Variants in PALM observed in about 807,000 individuals in gnomAD.
PALM encodes the protein paralemmin, also known as paralemmin-1.
PALM carries 18 observed loss-of-function variants against 30.7 expected under a neutral mutation model. The observed-to-expected ratio is 0.59, with a 90% confidence interval of 0.41 to 0.87. PALM has a LOEUF of 0.87. Among genes scored for constraint, PALM ranks in the 40% least tolerant of loss-of-function variants. PALM has a pLI of 0.00. For synonymous variants in PALM, 286 were observed against 242.8 expected (o/e 1.18, Z -1.66); for missense variants, 529 against 555.4 (o/e 0.95, Z 0.48).
At chr19:725,869 A>G (rs944232376) in intron 1 of PALM, among the ~76,000 whole-genome samples, 2 of 152,074 alleles carry the variant, frequency 1.3e-5, no homozygotes, top group South Asian at 4.2e-4. Flanking sequence ...GTGAACTCCT[A>G]TGTATCCTTG....
At chr19:719,342 G>GAACT in intron 1 of PALM, 1 of 985,526 alleles carries the variant, frequency 1.0e-6, no homozygotes, top group African/African-American at 1.7e-5. Context: ...TGGGCCTCAT[G>GAACT]AACTCATCTC....
chr19:725,182 GC>G, intron 1 of PALM, among the ~76,000 whole-genome samples: 1 of 151,166 alleles, frequency 6.6e-6, no homozygotes, highest in Non-Finnish European at 1.5e-5. Context: ...TGCCTCAGCT[GC>G]CCCCTGATAT....
At chr19:737,557 C>T (rs187076840) in intron 7 of PALM, among the ~76,000 whole-genome samples, 1 of 152,098 alleles carries the variant, frequency 6.6e-6, no homozygotes, top group Admixed American at 6.6e-5. Context: ...CCAGAGGGCT[C>T]AGGGGAGGGG....
intron 5 of PALM, among the ~76,000 whole-genome samples, chr19:732,742 C>G (rs1456155921): frequency 6.6e-6 from 1 of 151,328 alleles, no homozygotes; most frequent in Non-Finnish European, 1.5e-5. Context: ...ACTGAGCTCA[C>G]GTCAGGTGGG....
chr19:731,126 G>T lies in PALM; in HGVS notation c.301G>T (p.Gly101Ter). The part of the protein sequence containing the change: ...LEKEIEVLER[G>*]DSAPATAKEN... ...GAAGGAAATTGAGGTGCTGGAGCGTGGAGACTCCGCCCCAGCCACTGCCAA... is the reference window on the plus strand; with the variant it reads ...GAAGGAAATTGAGGTGCTGGAGCGTTGAGACTCCGCCCCAGCCACTGCCAA... Residue 101 changes from glycine (G) to a stop codon, truncating the protein, a stop_gained, in exon 5 of 9, where the codon GGA becomes TGA. Transcript: ENST00000338448. LOFTEE classifies it high-confidence loss of function. The T allele has an allele frequency of 6.2e-7, 1 of 1,604,180 alleles. No individual in the cohort carries two copies. The highest frequency in any genetic ancestry group is 8.5e-7 in the Non-Finnish European group (1 of 1,176,120).
chr19:744,625 G>T (rs1215363797), intron 8 of PALM, among the ~76,000 whole-genome samples: 1 of 152,172 alleles, frequency 6.6e-6, no homozygotes. Context: ...CAGGCATGGT[G>T]GCTCACACCT....
At chr19:720,673 T>G (rs1173819315) in intron 1 of PALM, among the ~76,000 whole-genome samples, 1 of 151,658 alleles carries the variant, frequency 6.6e-6, no homozygotes, top group Non-Finnish European at 1.5e-5. Flanking sequence ...GGGAGGGGCC[T>G]GCGCCCTGGG....
At position 741,440 on chromosome 19, in the gene PALM, T is replaced by A. The variant is rs1387554144; in HGVS notation, c.634+957T>A. On this transcript the variant is annotated intron_variant, in intron 8 of 8. Transcript: ENST00000338448. ...GGTGAGGGGAGACGGGCTGCAGGGG[T>A]GAGGGGAGACGGGCTGCAGGGGTGA... 6.3e-5 allele frequency among the ~76,000 whole-genome samples: 7 copies of A among 110,850 alleles called. 1 individual carries two copies. Among genetic ancestry groups the A allele is most frequent in the Non-Finnish European group, 1.3e-4 (7 of 53,098 alleles). The allele number at this position is 110,850 out of a possible 152,430, so 72.7% of individuals were successfully genotyped here. A position where few individuals can be genotyped will look rare whatever the true frequency, so the allele number is the denominator to read the frequency against.
intron 1 of PALM, chr19:719,117 C>A: frequency 2.0e-6 from 2 of 985,148 alleles, no homozygotes; most frequent in Non-Finnish European, 2.4e-6. Context: ...GGCTCGGCGC[C>A]TGCCCGGGCA....
chr19:734,130 G>C (rs140145215), intron 5 of PALM, 43 bp from the exon 6 acceptor site: 4 of 1,609,980 alleles, frequency 2.5e-6, no homozygotes, highest in African/African-American at 1.3e-5. Context: ...TCCTCTTCCC[G>C]GGGATGCTGA....
At chr19:713,908 CT>C (rs200551039) in intron 1 of PALM, among the ~76,000 whole-genome samples, 44,988 of 123,484 alleles carry the variant, frequency 0.36, 7,143 homozygotes, top group African/African-American at 0.45. Context: ...TTCTTTCTTT[CT>C]TTTTTTTTTT....
intron 7 of PALM, among the ~76,000 whole-genome samples, chr19:738,582 G>A (rs541688010): frequency 6.6e-6 from 1 of 152,132 alleles, no homozygotes; most frequent in African/African-American, 2.4e-5. Flanking sequence ...GAGCCAGGGT[G>A]GGGGCAGGTG....
intron 1 of PALM, among the ~76,000 whole-genome samples, chr19:710,887 G>A (rs950996858): frequency 1.2e-4 from 19 of 152,210 alleles, no homozygotes; most frequent in Admixed American, 1.1e-3. Context: ...CAATGGGTGG[G>A]GACAGGCCCA....
chr19:731,014 C>G, intron 4 of PALM, 81 bp from the exon 5 acceptor site: 1 of 886,602 alleles, frequency 1.1e-6, no homozygotes, highest in South Asian at 1.8e-5. Flanking sequence ...AAAAAAGACA[C>G]TGGGGAGCTG....
chr19:734,346 G>A, intron 6 of PALM, 152 bp downstream of exon 6: 1 of 686,148 alleles, frequency 1.5e-6, no homozygotes, highest in Non-Finnish European at 2.5e-6. Flanking sequence ...GATCTCCTGA[G>A]GTCAGGAGTT....
At position 747,573 on chromosome 19, in the gene PALM, C is replaced by G. The variant is rs1234696584; in HGVS notation, c.*759C>G. On this transcript the variant is annotated 3_prime_UTR_variant, in exon 9 of 9. Coordinates refer to ENST00000338448, the MANE Select transcript of PALM (RefSeq NM_002579.3). ...CACAGGGCAGGGACCGAGTGAGCCA[C>G]TCCTTGTCCCGAGCTCCCGCCCCCA... 1 of 152,828 alleles carries G rather than the reference C, an allele frequency of 6.5e-6. No individual in the cohort carries two copies. The highest frequency in any genetic ancestry group is 1.9e-4 in the East Asian group (1 of 5,186). The allele number at this position is 152,828 out of a possible 1,614,324, so 9.5% of individuals were successfully genotyped here.
In PALM at chr19:746,293, G is replaced by A. The variant is rs2033335319; in HGVS notation, c.643G>A (p.Ala215Thr). Residue 215 changes from alanine to threonine, a missense_variant, in exon 9 of 9, where the codon GCT (alanine) becomes ACT (threonine). Ala to Thr is a moderately conservative substitution (Grantham distance 58). Coordinates refer to ENST00000338448, the MANE Select transcript of PALM (RefSeq NM_002579.3). This position sits in a 1 kb window ranked among gnomAD's most constrained non-coding sequence, Gnocchi z 7.1. ...VYEDETKVVH[A>T]VDGTAENGIH... ...TGTCTCTCCTTGTACAGTGGTCCAT[G>A]CTGTGGACGGCACCGCCGAGAACGG... 6.2e-7 allele frequency: 1 copy of A among 1,612,658 alleles called. No homozygotes were observed. Among genetic ancestry groups the A allele is most frequent in the Non-Finnish European group, 8.5e-7 (1 of 1,179,238 alleles).
In PALM at chr19:748,301, G is replaced by GAAGCAAAT. The variant is rs1409431864; in HGVS notation, c.*1490_*1497dup. ...CCCCGATGTTCTTGATTTTCCCAGA[G>GAAGCAAAT]AAGCAAATAAACAGCGTGAACAGCC... On this transcript the variant is annotated 3_prime_UTR_variant, in exon 9 of 9. Coordinates refer to ENST00000338448, the MANE Select transcript of PALM (RefSeq NM_002579.3). The GAAGCAAAT allele has an allele frequency of 6.5e-6, 1 of 152,710 alleles. No homozygotes were observed. Among genetic ancestry groups the GAAGCAAAT allele is most frequent in the African/African-American group, 2.4e-5 (1 of 41,476 alleles). 9.5% of individuals were successfully genotyped at this position (152,710 alleles called of 1,614,324 possible).
chr19:714,196 C>T (rs1297965150), intron 1 of PALM, among the ~76,000 whole-genome samples: 5 of 151,480 alleles, frequency 3.3e-5, no homozygotes, highest in Non-Finnish European at 5.9e-5. Context: ...TGAGCCACCG[C>T]GCCCGGCTTG....
Sources: allele counts gnomAD v4.1 joint callset (sites outside exome capture counted in the v4.1 genomes callset), GRCh38; gene constraint gnomAD v4.1.1; non-coding constraint Gnocchi (gnomAD v3.1); transcripts MANE v1.5; gene names NCBI Gene and HGNC (gene_info 2026-07-23, HGNC 2026-07-21).